The following PSMB2 variants were observed in gnomAD, a reference collection of about 807,000 sequenced individuals.
PSMB2 encodes proteasome subunit beta type-2.
PSMB2 carries 13 observed loss-of-function variants against 25.7 expected under a neutral mutation model. That is an observed-to-expected ratio of 0.51 (90% CI 0.33 to 0.80). The LOEUF (loss-of-function observed/expected upper bound fraction) is 0.80, where lower values mean the gene tolerates loss of function less well. Among genes scored for constraint, PSMB2 ranks in the 30% least tolerant of loss-of-function variants. The pLI is 0.02. For synonymous variants in PSMB2, 87 were observed against 96.2 expected (o/e 0.90, Z 0.56); for missense variants, 202 against 259.0 (o/e 0.78, Z 1.51).
Position 35,603,135 on chromosome 1 carries a change from G to A in PSMB2, c.*132C>T, listed in dbSNP as rs1439801322. 2 of 1,440,928 alleles carry A rather than the reference G, an allele frequency of 1.4e-6. No individual in the cohort carries two copies. Among genetic ancestry groups the A allele is most frequent in the Non-Finnish European group, 9.1e-7 (1 of 1,097,534 alleles). The allele number at this position is 1,440,928 out of a possible 1,614,324, so 89.3% of individuals were successfully genotyped here. A position where few individuals can be genotyped will look rare whatever the true frequency, so the allele number is the denominator to read the frequency against. On this transcript the variant is annotated 3_prime_UTR_variant, in exon 6 of 6. Coordinates refer to ENST00000373237, the MANE Select transcript of PSMB2 (RefSeq NM_002794.5). ...AGGTAAACTGAGACCTGGACCAGAG[G>A]GCTCAATTATATCCATAGTCACCTT...
At chr1:35,628,594 AAAATATATATATATATATATATAT>A (rs1268560754) in intron 3 of PSMB2, among the ~76,000 whole-genome samples, 5 of 12,518 alleles carry the variant, frequency 4.0e-4, no homozygotes, top group African/African-American at 2.5e-4. Flanking sequence ...AAAAAAAAAA[AAAATATATATATATATATATATAT>A]ATATATATAT....
chr1:35,628,904 G>A (rs1335250084), intron 3 of PSMB2, among the ~76,000 whole-genome samples: 2 of 152,022 alleles, frequency 1.3e-5, no homozygotes, highest in South Asian at 2.1e-4. Flanking sequence ...GTTATTTTAA[G>A]CAAGTACAGA....
chr1:35,608,424 T>C (rs1460721096), intron 4 of PSMB2, among the ~76,000 whole-genome samples: 2 of 151,854 alleles, frequency 1.3e-5, no homozygotes, highest in Non-Finnish European at 2.9e-5. Context: ...TATTGTTCTA[T>C]ACCACTGTAA....
chr1:35,619,401 G>A (rs185976794), intron 3 of PSMB2, among the ~76,000 whole-genome samples: 1 of 152,266 alleles, frequency 6.6e-6, no homozygotes, highest in East Asian at 1.9e-4. Context: ...AATGAAAATC[G>A]AATGTGGCTT....
chr1:35,612,179 C>T (rs574564465), intron 3 of PSMB2, among the ~76,000 whole-genome samples: 3 of 152,162 alleles, frequency 2.0e-5, no homozygotes, highest in Non-Finnish European at 4.4e-5. Context: ...TTGTATTTCC[C>T]AATGAGTAGC....
chr1:35,601,243 AT>A lies in PSMB2; in HGVS notation c.*2023del. 1.2e-5 allele frequency: 7 copies of A among 608,634 alleles called. No individual in the cohort carries two copies. Among genetic ancestry groups the A allele is most frequent in the Non-Finnish European group, 1.4e-5 (7 of 487,238 alleles). The allele number at this position is 608,634 out of a possible 1,614,324, so 37.7% of individuals were successfully genotyped here. On this transcript the variant is annotated 3_prime_UTR_variant, in exon 6 of 6. Transcript: ENST00000373237. ...CACCACGCCTGGCTAATTGTTATAT[AT>A]TTTTTTAGTAGAGATGGGGTTTCAC... is the stretch of plus-strand genomic sequence containing the variant.
intron 3 of PSMB2, 90 bp from the exon 4 acceptor site, chr1:35,609,498 A>C: frequency 8.3e-7 from 1 of 1,206,482 alleles, no homozygotes; most frequent in South Asian, 2.0e-5. Context: ...ACTCTTCATG[A>C]GAAAGAAAAT....
chr1:35,637,165 T>A (rs1013002234), intron 1 of PSMB2, among the ~76,000 whole-genome samples: 6 of 152,196 alleles, frequency 3.9e-5, no homozygotes, highest in African/African-American at 1.4e-4. Flanking sequence ...TGTTAGTTAT[T>A]ATATTTATAC....
intron 2 of PSMB2, among the ~76,000 whole-genome samples, chr1:35,634,771 T>TG (rs1651197956): frequency 6.7e-6 from 1 of 150,336 alleles, no homozygotes; most frequent in Non-Finnish European, 1.5e-5. Context: ...AAGATGGTGT[T>TG]GGGTTTTTTT....
intron 3 of PSMB2, among the ~76,000 whole-genome samples, chr1:35,620,638 G>A (rs1650652999): frequency 6.6e-6 from 1 of 150,626 alleles, no homozygotes. Flanking sequence ...TGAGGCAGGA[G>A]AATGGCGTGA....
At chr1:35,621,045 A>G (rs1224559288) in intron 3 of PSMB2, among the ~76,000 whole-genome samples, 1 of 152,112 alleles carries the variant, frequency 6.6e-6, no homozygotes, top group Non-Finnish European at 1.5e-5. Flanking sequence ...TTTAATCAGT[A>G]GAGCCCTATT....
At chr1:35,632,677 C>A (rs112755017) in intron 2 of PSMB2, among the ~76,000 whole-genome samples, 1 of 152,042 alleles carries the variant, frequency 6.6e-6, no homozygotes, top group African/African-American at 2.4e-5. Flanking sequence ...GCAGATCACT[C>A]GAGCCCAGGA....
chr1:35,610,521 G>A (rs1443487729), intron 3 of PSMB2, among the ~76,000 whole-genome samples: 2 of 152,146 alleles, frequency 1.3e-5, no homozygotes, highest in East Asian at 3.9e-4. Context: ...TTGAGACGGA[G>A]TCTGGCTCTT....
chr1:35,631,413 C>A, intron 2 of PSMB2, 69 bp from the exon 3 acceptor site: 1 of 1,600,684 alleles, frequency 6.2e-7, no homozygotes, highest in Non-Finnish European at 8.5e-7. Flanking sequence ...AAATTATTCA[C>A]TACCCCTGTT....
At chr1:35,607,980 T>A (rs1650218312) in intron 4 of PSMB2, among the ~76,000 whole-genome samples, 1 of 152,114 alleles carries the variant, frequency 6.6e-6, no homozygotes, top group African/African-American at 2.4e-5. Context: ...ATGTAGAAGC[T>A]AAAAAAGCTG....
At chr1:35,623,827 A>T (rs1650769101) in intron 3 of PSMB2, among the ~76,000 whole-genome samples, 1 of 152,226 alleles carries the variant, frequency 6.6e-6, no homozygotes, top group Admixed American at 6.5e-5. Context: ...TGTTAGTGAT[A>T]TTTCAATCAC....
chr1:35,628,050 T>C (rs1476672210), intron 3 of PSMB2, among the ~76,000 whole-genome samples: 2 of 152,146 alleles, frequency 1.3e-5, no homozygotes, highest in Non-Finnish European at 2.9e-5. Context: ...TTTGGTGACT[T>C]TGCACTTATT....
intron 4 of PSMB2, among the ~76,000 whole-genome samples, chr1:35,608,681 A>G (rs1431789678): frequency 6.6e-6 from 1 of 152,224 alleles, no homozygotes; most frequent in African/African-American, 2.4e-5. Context: ...CGCTTTACGG[A>G]CAAGTAGAGC....
intron 3 of PSMB2, among the ~76,000 whole-genome samples, chr1:35,617,924 TTGGTTAA>T (rs1650553619): frequency 6.6e-6 from 1 of 152,212 alleles, no homozygotes; most frequent in African/African-American, 2.4e-5. Flanking sequence ...ACATAGCACA[TTGGTTAA>T]TTGGTGCCAA....
Sources: allele counts gnomAD v4.1 joint callset (sites outside exome capture counted in the v4.1 genomes callset), GRCh38; gene constraint gnomAD v4.1.1; transcripts MANE v1.5; gene names NCBI Gene and HGNC (gene_info 2026-07-23, HGNC 2026-07-21).